The following USP37 variants were observed in gnomAD, a reference collection of about 807,000 sequenced individuals.
The protein encoded by USP37 is ubiquitin specific peptidase 37, also known as ubiquitin carboxyl-terminal hydrolase 37.
USP37 carries 27 observed loss-of-function variants against 124.0 expected under a neutral mutation model. The observed-to-expected ratio is 0.22, with a 90% CI of 0.16 to 0.30. The LOEUF is 0.30. USP37 is among the 10% of genes least tolerant of loss of function. USP37 has a pLI of 1.00. For synonymous variants in USP37, 365 were observed against 388.0 expected (o/e 0.94, Z 0.70); for missense variants, 889 against 1,140.4 (o/e 0.78, Z 3.17).
At chr2:218,566,430 T>C (rs1417582820) in intron 1 of USP37, among the ~76,000 whole-genome samples, 1 of 152,218 alleles carries the variant, frequency 6.6e-6, no homozygotes, top group East Asian at 1.9e-4. Flanking sequence ...AACAAGCACT[T>C]ACCAGGAGGA....
At chr2:218,474,012 T>G (rs1200365924) in intron 20 of USP37, among the ~76,000 whole-genome samples, 1 of 152,196 alleles carries the variant, frequency 6.6e-6, no homozygotes, top group Non-Finnish European at 1.5e-5. Flanking sequence ...TAGTTGTGTA[T>G]CTAAATACAT....
chr2:218,561,088 C>G (rs528613165), intron 2 of USP37, among the ~76,000 whole-genome samples: 90 of 152,334 alleles, frequency 5.9e-4, no homozygotes, highest in African/African-American at 2.1e-3. Flanking sequence ...TGTCTGTTAA[C>G]ATGACATTTG....
intron 8 of USP37, among the ~76,000 whole-genome samples, chr2:218,544,426 T>TGTAG (rs1692198593): frequency 2.1e-5 from 1 of 47,734 alleles, no homozygotes; most frequent in Admixed American, 2.8e-4. Flanking sequence ...TATATATATA[T>TGTAG]ATATAGAGAG....
At chr2:218,526,740 G>C (rs184506571) in intron 10 of USP37, among the ~76,000 whole-genome samples, 4 of 149,850 alleles carry the variant, frequency 2.7e-5, no homozygotes, top group Admixed American at 2.7e-4. Flanking sequence ...TTAAGACATG[G>C]AGGGTACACC....
At chr2:218,476,025 C>T (rs1690955044) in intron 19 of USP37, among the ~76,000 whole-genome samples, 1 of 152,022 alleles carries the variant, frequency 6.6e-6, no homozygotes, top group Admixed American at 6.6e-5. Context: ...CACAAACTAC[C>T]TCTGGCTTTA....
chr2:218,549,820 A>C lies in USP37; in HGVS notation c.418T>G (p.Ser140Ala). 6.2e-7 allele frequency: 1 copy of C among 1,612,686 alleles called. No individual in the cohort carries two copies. Among genetic ancestry groups the C allele is most frequent in the Non-Finnish European group, 8.5e-7 (1 of 1,179,478 alleles). ...TCAAATGAACATACCTGATTGTCTGAGTAAGAAAGCTGCCTGCTGGTTTCC... is the reference window on the plus strand; with the variant it reads ...TCAAATGAACATACCTGATTGTCTGCGTAAGAAAGCTGCCTGCTGGTTTCC... ...QKETSRQLSY[S>A]DNQASAKRGS... Residue 140 changes from serine (S) to alanine (A), a missense_variant, in exon 6 of 26, where the codon TCA becomes GCA. Transcript: ENST00000258399.
At position 218,500,339 on chromosome 2, in the gene USP37, A is replaced by G. The variant is rs183709020; in HGVS notation, c.1026-2182T>C. On this transcript the variant is annotated intron_variant, in intron 11 of 25. Transcript: ENST00000258399. Reference sequence around the variant, plus strand: ...CAGTGGTGTCATCTCGGCTTACAGCAACTTCCATCTCCCAGGTTCAAGCAA... The same window carrying G: ...CAGTGGTGTCATCTCGGCTTACAGCGACTTCCATCTCCCAGGTTCAAGCAA... 2.5e-3 allele frequency among the ~76,000 whole-genome samples: 376 copies of G among 152,230 alleles called. 2 individuals are homozygous for G. The highest frequency in any genetic ancestry group is 8.5e-3 in the African/African-American group (353 of 41,534).
chr2:218,525,519 T>C (rs1158897250), intron 10 of USP37, among the ~76,000 whole-genome samples: 2 of 152,174 alleles, frequency 1.3e-5, no homozygotes, highest in South Asian at 2.1e-4. Flanking sequence ...TCTTTGTCTA[T>C]ATTCTTGAAA....
At chr2:218,476,420 T>G (rs1559171291) in intron 19 of USP37, among the ~76,000 whole-genome samples, 2 of 151,928 alleles carry the variant, frequency 1.3e-5, no homozygotes, top group African/African-American at 4.8e-5. Flanking sequence ...CAAAAAATTT[T>G]AAAAACTAGC....
intron 21 of USP37, among the ~76,000 whole-genome samples, chr2:218,465,589 T>G (rs756981529): frequency 3.3e-5 from 5 of 152,160 alleles, no homozygotes; most frequent in Non-Finnish European, 7.4e-5. Flanking sequence ...CCCACGTACC[T>G]GTTTCAAACC....
At chr2:218,475,944 T>C (rs918104698) in intron 19 of USP37, among the ~76,000 whole-genome samples, 1 of 150,066 alleles carries the variant, frequency 6.7e-6, no homozygotes, top group Admixed American at 6.6e-5. Flanking sequence ...AAAAAGATTA[T>C]GTAAATATTC....
At chr2:218,479,833 C>A in intron 17 of USP37, 118 bp from the exon 18 acceptor site, 1 of 559,350 alleles carries the variant, frequency 1.8e-6, no homozygotes, top group Non-Finnish European at 2.5e-6. Flanking sequence ...GAAAATTGAA[C>A]AATTATAATA....
intron 8 of USP37, among the ~76,000 whole-genome samples, chr2:218,538,724 G>A (rs1436962508): frequency 2.6e-5 from 4 of 152,116 alleles, no homozygotes; most frequent in Admixed American, 6.5e-5. Context: ...CCAGTCATTT[G>A]GTAGCATATT....
At chr2:218,467,498 G>A (rs1163551493) in intron 20 of USP37, among the ~76,000 whole-genome samples, 1 of 151,870 alleles carries the variant, frequency 6.6e-6, no homozygotes, top group Admixed American at 6.6e-5. Flanking sequence ...ACAGGTGCAC[G>A]CCACCACGCC....
intron 8 of USP37, among the ~76,000 whole-genome samples, chr2:218,541,951 A>T (rs543779492): frequency 6.6e-6 from 1 of 152,296 alleles, no homozygotes; most frequent in South Asian, 2.1e-4. Flanking sequence ...AGAGGACTGC[A>T]TTTAACTACT....
chr2:218,485,577 C>A, intron 16 of USP37, 87 bp downstream of exon 16: 4 of 1,373,294 alleles, frequency 2.9e-6, no homozygotes. Context: ...TTTGTATGAA[C>A]TTTAAAAAGA....
rs1276004399 is a variant in USP37, at chr2:218,450,576, TAGGGAGGGAAAGAAAAGCTCAA to T, written c.*4332_*4353del. On this transcript the variant is annotated 3_prime_UTR_variant, in exon 26 of 26. Coordinates refer to ENST00000258399, the MANE Select transcript of USP37 (RefSeq NM_020935.3). ...AACAATGACAATAGGCCAGAGAAGT[TAGGGAGGGAAAGAAAAGCTCAA>T]AGGGAGGGAAACCTGGGGACAAGAG... is the stretch of plus-strand genomic sequence containing the variant. 1 of 152,566 alleles carries T rather than the reference TAGGGAGGGAAAGAAAAGCTCAA, an allele frequency of 6.6e-6. No homozygotes were observed. Among genetic ancestry groups the T allele is most frequent in the African/African-American group, 2.4e-5 (1 of 41,444 alleles). The allele number at this position is 152,566 out of a possible 1,614,324, so 9.5% of individuals were successfully genotyped here.
chr2:218,547,913 C>T (rs1386434894), intron 6 of USP37, among the ~76,000 whole-genome samples: 1 of 152,166 alleles, frequency 6.6e-6, no homozygotes, highest in Non-Finnish European at 1.5e-5. Flanking sequence ...TACAGCTTTA[C>T]ATGAACACTC....
chr2:218,470,106 CACTGCGTGTGGCCTT>C (rs1690591708), intron 20 of USP37, among the ~76,000 whole-genome samples: 1 of 152,170 alleles, frequency 6.6e-6, no homozygotes, highest in African/African-American at 2.4e-5. Flanking sequence ...AGGCGTGAGC[CACTGCGTGTGGCCTT>C]AACTCAACAT....
Sources: allele counts gnomAD v4.1 joint callset (sites outside exome capture counted in the v4.1 genomes callset), GRCh38; gene constraint gnomAD v4.1.1; transcripts MANE v1.5; gene names NCBI Gene and HGNC (gene_info 2026-07-23, HGNC 2026-07-21).